FRAS1: variants seen among roughly 807,000 people sequenced by gnomAD.
FRAS1 encodes the protein extracellular matrix organizing protein FRAS1.
Under a neutral mutation model 435.2 loss-of-function variants are expected in FRAS1, and 290 were observed. The ratio of observed to expected loss-of-function variants is 0.67; its 90% confidence interval spans 0.61 to 0.73. The LOEUF is 0.73. Among genes scored for constraint, FRAS1 ranks in the 30% least tolerant of loss-of-function variants. The probability of loss-of-function intolerance (pLI) is 0.00; values close to 1 mark genes in which losing one functional copy is unlikely to be tolerated. For missense variants in FRAS1, 4,860 were observed against 5,001.5 expected (o/e 0.97, Z 0.85); for synonymous variants, 1,800 against 1,851.0 (o/e 0.97, Z 0.71).
intron 2 of FRAS1, among the ~76,000 whole-genome samples, chr4:78,140,694 T>C (rs1416989566): frequency 1.3e-5 from 1 of 77,710 alleles, no homozygotes; most frequent in Admixed American, 1.3e-4. Flanking sequence ...CATATACATA[T>C]GTGTATATGC....
At chr4:78,425,103 A>G (rs1578316157) in intron 35 of FRAS1, among the ~76,000 whole-genome samples, 1 of 42,774 alleles carries the variant, frequency 2.3e-5, no homozygotes, top group African/African-American at 1.5e-4. Context: ...AAATGGGGAT[A>G]ATAATAATAA....
At chr4:78,452,423 T>C in intron 47 of FRAS1, 69 bp downstream of exon 47, 1 of 1,123,004 alleles carries the variant, frequency 8.9e-7, no homozygotes, top group African/African-American at 1.6e-5. Flanking sequence ...GGCAGCCACA[T>C]CATGTATCAT....
intron 4 of FRAS1, among the ~76,000 whole-genome samples, chr4:78,245,906 A>G (rs1725218983): frequency 6.6e-6 from 1 of 152,106 alleles, no homozygotes; most frequent in South Asian, 2.1e-4. Flanking sequence ...GTCTTTTCCC[A>G]CTAGATGCTA....
intron 58 of FRAS1, among the ~76,000 whole-genome samples, chr4:78,483,615 A>G (rs993176830): frequency 5.3e-5 from 8 of 151,864 alleles, no homozygotes; most frequent in East Asian, 1.9e-4. Context: ...TATTTCATGT[A>G]TATAGTAGTA....
At chr4:78,457,891 C>G in intron 47 of FRAS1, among the ~76,000 whole-genome samples, 1 of 152,184 alleles carries the variant, frequency 6.6e-6, no homozygotes, top group Non-Finnish European at 1.5e-5. Context: ...CCCTAATTAG[C>G]CTTTTAAGCT....
chr4:78,404,444 G>A (rs946178817), intron 30 of FRAS1, among the ~76,000 whole-genome samples: 3 of 149,530 alleles, frequency 2.0e-5, no homozygotes, highest in African/African-American at 7.3e-5. Context: ...GCTCTCACCC[G>A]TCTGCAGAGA....
chr4:78,257,204 C>T (rs915250042), intron 6 of FRAS1, among the ~76,000 whole-genome samples: 11 of 152,152 alleles, frequency 7.2e-5, no homozygotes, highest in African/African-American at 2.7e-4. Flanking sequence ...CACTTTTAAC[C>T]TAAACTGTTC....
intron 3 of FRAS1, among the ~76,000 whole-genome samples, chr4:78,238,918 G>C (rs1724878606): frequency 6.6e-6 from 1 of 152,146 alleles, no homozygotes; most frequent in African/African-American, 2.4e-5. Flanking sequence ...TGATCTAAGA[G>C]TGGCTTTTAC....
chr4:78,250,841 G>A (rs1391298530), intron 4 of FRAS1, among the ~76,000 whole-genome samples: 2 of 152,070 alleles, frequency 1.3e-5, no homozygotes, highest in Non-Finnish European at 2.9e-5. Flanking sequence ...TATTTAAAAC[G>A]TTATAATTTT....
chr4:78,255,166 C>A, intron 5 of FRAS1, 76 bp from the exon 6 acceptor site: 2 of 1,453,070 alleles, frequency 1.4e-6, no homozygotes, highest in Non-Finnish European at 1.9e-6. Flanking sequence ...ACTGCACTGG[C>A]TGCACGCCCA....
At chr4:78,303,661 G>C (rs1410733065) in intron 14 of FRAS1, among the ~76,000 whole-genome samples, 1 of 152,098 alleles carries the variant, frequency 6.6e-6, no homozygotes, top group African/African-American at 2.4e-5. Context: ...CTGTTTGTCT[G>C]TTGTTGGTGT....
chr4:78,407,574 T>C, intron 30 of FRAS1, 89 bp from the exon 31 acceptor site: 1 of 1,040,928 alleles, frequency 9.6e-7, no homozygotes, highest in Non-Finnish European at 1.4e-6. Flanking sequence ...TTCTTTCTAG[T>C]TAAAAAAAAA....
At chr4:78,347,807 G>A (rs1221144872) in intron 20 of FRAS1, among the ~76,000 whole-genome samples, 2 of 121,452 alleles carry the variant, frequency 1.6e-5, no homozygotes, top group African/African-American at 6.8e-5. Flanking sequence ...TTTTTTTTTG[G>A]TCATCCCTTC....
intron 14 of FRAS1, among the ~76,000 whole-genome samples, chr4:78,302,039 G>A (rs958974659): frequency 3.3e-5 from 5 of 150,092 alleles, no homozygotes; most frequent in Non-Finnish European, 5.9e-5. Flanking sequence ...AGAGTGTGAT[G>A]TTCCCCTTCC....
intron 42 of FRAS1, chr4:78,446,087 T>G: frequency 2.7e-6 from 3 of 1,094,018 alleles, no homozygotes; most frequent in Non-Finnish European, 2.2e-6. Flanking sequence ...ATTTATTTAT[T>G]TAATTGTAAC....
chr4:78,292,240 A>T lies in FRAS1; in HGVS notation c.1534+5701A>T, dbSNP rs563289505. Among the ~76,000 whole-genome samples the T allele has an allele frequency of 2.6e-5, 4 of 152,350 alleles. No individual in the cohort carries two copies. The South Asian group carries it at 8.3e-4, about 32-fold the overall frequency. Reference sequence around the variant, plus strand: ...TTTTATATGTTATGGAGAAGTAAATATATAGAGAACAGTATACTGTATTCT... The same window carrying T: ...TTTTATATGTTATGGAGAAGTAAATTTATAGAGAACAGTATACTGTATTCT... On this transcript the variant is annotated intron_variant, in intron 14 of 73. Transcript: ENST00000512123.
At chr4:78,336,859 T>A (rs909014325) in intron 19 of FRAS1, among the ~76,000 whole-genome samples, 5 of 152,172 alleles carry the variant, frequency 3.3e-5, no homozygotes, top group African/African-American at 1.2e-4. Context: ...AGTTCTTAAA[T>A]CTGCTTCCAT....
At chr4:78,478,932 T>C (rs1455045851) in intron 55 of FRAS1, among the ~76,000 whole-genome samples, 2 of 152,268 alleles carry the variant, frequency 1.3e-5, no homozygotes, top group African/African-American at 4.8e-5. Flanking sequence ...TTGTTTTGTC[T>C]TTCTCTTTTT....
Position 78,511,298 on chromosome 4 carries a change from C to T in FRAS1, c.9805C>T (p.Arg3269Trp), listed in dbSNP as rs778500294. 94 of 1,602,992 alleles carry T rather than the reference C, an allele frequency of 5.9e-5. No individual in the cohort carries two copies. Among genetic ancestry groups the T allele is most frequent in the African/African-American group, 1.3e-4 (10 of 74,674 alleles). ...GGTCCTGGACAGCATTTACTTCAGC[C>T]GGAGGTTCCATGTGCGTTGTGTGGC... is the stretch of plus-strand genomic sequence containing the variant. ...HMVLDSIYFS[R>W]RFHVRCVAKA... The change falls in exon 64 of 74, where the codon CGG becomes TGG. Residue 3269 changes from arginine (R) to tryptophan (W), a missense_variant. Arg to Trp is a moderately radical substitution (Grantham distance 101). Transcript: ENST00000512123.
Sources: allele counts gnomAD v4.1 joint callset (sites outside exome capture counted in the v4.1 genomes callset), GRCh38; gene constraint gnomAD v4.1.1; transcripts MANE v1.5; gene names NCBI Gene and HGNC (gene_info 2026-07-23, HGNC 2026-07-21).